The following IFT81 variants were observed in gnomAD, a reference collection of about 807,000 sequenced individuals.
IFT81 encodes the protein intraflagellar transport 81.
Under a neutral mutation model 102.6 loss-of-function variants are expected in IFT81, and 72 were observed. That is an observed-to-expected ratio of 0.70 (90% CI 0.58 to 0.85). The LOEUF is 0.85. IFT81 is among the 40% of genes least tolerant of loss of function. The probability of loss-of-function intolerance (pLI) is 0.00; values close to 1 mark genes in which losing one functional copy is unlikely to be tolerated. For missense variants in IFT81, 723 were observed against 787.3 expected (o/e 0.92, Z 0.98); for synonymous variants, 237 against 242.7 (o/e 0.98, Z 0.22).
chr12:110,155,788 AT>A (rs1470554013), intron 10 of IFT81, among the ~76,000 whole-genome samples: 1 of 151,232 alleles, frequency 6.6e-6, no homozygotes, highest in African/African-American at 2.4e-5. Flanking sequence ...TGTTTAGTTG[AT>A]TTTTTTATGG....
intron 18 of IFT81, among the ~76,000 whole-genome samples, chr12:110,213,179 T>C (rs890615425): frequency 6.6e-6 from 1 of 152,214 alleles, no homozygotes; most frequent in Admixed American, 6.5e-5. Flanking sequence ...TGAATCAGGA[T>C]CCTAATAAGA....
chr12:110,210,783 T>A (rs766271887), intron 18 of IFT81, among the ~76,000 whole-genome samples: 1 of 151,918 alleles, frequency 6.6e-6, no homozygotes, highest in Non-Finnish European at 1.5e-5. Flanking sequence ...CCAAAAATAA[T>A]TTAACAATAA....
intron 1 of IFT81, among the ~76,000 whole-genome samples, chr12:110,126,458 G>C (rs924553721): frequency 2.0e-5 from 3 of 151,940 alleles, no homozygotes; most frequent in Middle Eastern, 3.2e-3. Flanking sequence ...GGTTGGGGGG[G>C]TTTGTGCCTC....
intron 11 of IFT81, among the ~76,000 whole-genome samples, chr12:110,174,928 T>A (rs1328808883): frequency 2.0e-5 from 3 of 152,150 alleles, no homozygotes; most frequent in African/African-American, 7.2e-5. Flanking sequence ...AGATAAAGAT[T>A]AGAGTTTCAC....
chr12:110,128,122 A>G lies in IFT81; in HGVS notation c.221A>G (p.Tyr74Cys). 3 of 1,612,406 alleles carry G rather than the reference A, an allele frequency of 1.9e-6. No individual in the cohort carries two copies. The highest frequency in any genetic ancestry group is 2.5e-6 in the Non-Finnish European group (3 of 1,178,482). Reference sequence around the variant, plus strand: ...TTGAGCCTTCTTGGTATTCTTAAGTACAAACCTTCAGGAAATGCCACAGAT... The same window carrying G: ...TTGAGCCTTCTTGGTATTCTTAAGTGCAAACCTTCAGGAAATGCCACAGAT... The part of the protein sequence containing the change: ...RMLSLLGILK[Y>C]KPSGNATDMS... The change falls in exon 3 of 19, where the codon TAC (tyrosine) becomes TGC (cysteine). Residue 74 changes from tyrosine to cysteine, a missense_variant. Transcript: ENST00000242591.
intron 4 of IFT81, among the ~76,000 whole-genome samples, chr12:110,132,245 A>G (rs1894204068): frequency 6.6e-6 from 1 of 152,110 alleles, no homozygotes; most frequent in Admixed American, 6.6e-5. Context: ...CGGATGGATC[A>G]TGAGGTCAGG....
chr12:110,125,136 A>C (rs940657842), intron 1 of IFT81, among the ~76,000 whole-genome samples: 8 of 152,194 alleles, frequency 5.3e-5, no homozygotes, highest in Non-Finnish European at 1.5e-5. Flanking sequence ...AAATCATTTA[A>C]AATGAAATAC....
chr12:110,139,576 T>C (rs1336330454), intron 8 of IFT81, among the ~76,000 whole-genome samples: 1 of 150,906 alleles, frequency 6.6e-6, no homozygotes, highest in African/African-American at 2.4e-5. Flanking sequence ...AGCGAGACCA[T>C]CCTGGCTAAC....
In IFT81 at chr12:110,205,583, C is replaced by G. The variant is rs768276056; in HGVS notation, c.1717-12C>G. On this transcript the variant is annotated splice_polypyrimidine_tract_variant and intron_variant, in intron 16 of 18. Transcript: ENST00000242591. The stretch of plus-strand genomic sequence containing the variant: ...TCAAAGTCTTCCCTAAAACTGAAGT[C>G]TTTCTATTTAGAACCTAGAAGTTCA... 50 of 1,596,360 alleles carry G rather than the reference C, an allele frequency of 3.1e-5. No homozygotes were observed. The highest frequency in any genetic ancestry group is 4.3e-5 in the Non-Finnish European group (50 of 1,174,040).
At chr12:110,171,516 A>G (rs913353013) in intron 11 of IFT81, among the ~76,000 whole-genome samples, 4 of 152,208 alleles carry the variant, frequency 2.6e-5, no homozygotes, top group Non-Finnish European at 5.9e-5. Flanking sequence ...AGCCACTACC[A>G]TATGTAGATA....
At chr12:110,151,653 A>C (rs1234659411) in intron 10 of IFT81, among the ~76,000 whole-genome samples, 1 of 152,208 alleles carries the variant, frequency 6.6e-6, no homozygotes, top group African/African-American at 2.4e-5. Flanking sequence ...TACCTCACAT[A>C]CTTATTGTTT....
chr12:110,183,006 A>G (rs1393354116), intron 12 of IFT81, among the ~76,000 whole-genome samples: 1 of 152,226 alleles, frequency 6.6e-6, no homozygotes, highest in Non-Finnish European at 1.5e-5. Flanking sequence ...TAGGCCATCC[A>G]GTTCCAACTG....
rs368256249 is a variant in IFT81 at position 110,141,795 on chromosome 12, G to A, written c.782-1587G>A. ...CTCAGGAGGCTGAGGCAGGAGAATC[G>A]CTTGAACCCAGGAGGCAGACAGAGG... On this transcript the variant is annotated intron_variant, in intron 8 of 18. Transcript: ENST00000242591. 9.2e-5 allele frequency among the ~76,000 whole-genome samples: 14 copies of A among 152,212 alleles called. No individual in the cohort carries two copies. In the South Asian group the frequency reaches 2.3e-3, roughly 25 times the overall value.
chr12:110,156,851 T>A (rs1895868372), intron 10 of IFT81, among the ~76,000 whole-genome samples: 1 of 152,146 alleles, frequency 6.6e-6, no homozygotes, highest in Admixed American at 6.5e-5. Flanking sequence ...TGGTTGACAA[T>A]TCTTTCTCTT....
chr12:110,193,704 CT>C (rs1277622963), intron 14 of IFT81, among the ~76,000 whole-genome samples: 1 of 152,186 alleles, frequency 6.6e-6, no homozygotes, highest in Non-Finnish European at 1.5e-5. Context: ...ACGTAACTTA[CT>C]TTAATGGACA....
intron 7 of IFT81, 138 bp from the exon 8 acceptor site, chr12:110,136,638 G>C: frequency 2.3e-6 from 1 of 429,638 alleles, no homozygotes. Context: ...GGTTTAATAT[G>C]GGAATTTTCC....
chr12:110,213,257 A>G (rs1385827753), intron 18 of IFT81, among the ~76,000 whole-genome samples: 1 of 152,074 alleles, frequency 6.6e-6, no homozygotes, highest in African/African-American at 2.4e-5. Context: ...CCCCCATTAC[A>G]TCATTTTTTC....
At chr12:110,182,133 A>C (rs1897331269) in intron 12 of IFT81, among the ~76,000 whole-genome samples, 1 of 152,218 alleles carries the variant, frequency 6.6e-6, no homozygotes, top group Admixed American at 6.5e-5. Context: ...GCTATTTAGC[A>C]GTCAACATTC....
intron 14 of IFT81, 148 bp from the exon 15 acceptor site, chr12:110,203,716 A>C (rs1471761508): frequency 3.0e-6 from 2 of 658,250 alleles, no homozygotes; most frequent in African/African-American, 3.6e-5. Context: ...CATAATTCTC[A>C]AATGTCTGGT....
Sources: gnomAD v4.1 joint callset for allele counts (sites outside exome capture counted in the v4.1 genomes callset) on GRCh38, gnomAD v4.1.1 for gene constraint, MANE v1.5 for transcripts, NCBI Gene and HGNC (gene_info 2026-07-23, HGNC 2026-07-21) for gene names.